The following NRG4 variants were observed in gnomAD, a reference collection of about 807,000 sequenced individuals.
NRG4 encodes the protein neuregulin 4, also known as pro-neuregulin-4, membrane-bound isoform.
A neutral mutation model predicts 15.0 loss-of-function variants in NRG4; 10 were observed. The ratio of observed to expected loss-of-function variants is 0.67; its 90% CI spans 0.41 to 1.13. The LOEUF is 1.13. Ranked by LOEUF, NRG4 falls within the 50% of genes most tolerant of loss-of-function variation. The pLI, the probability that NRG4 is intolerant of heterozygous loss-of-function variation, is 0.00. For missense variants in NRG4, 139 were observed against 140.2 expected, an observed-to-expected ratio of 0.99 and a Z score of 0.04; for synonymous variants, 41 against 50.1, an observed-to-expected ratio of 0.82 and a Z score of 0.77.
chr15:75,949,738 C>T (rs1170786645), intron 5 of NRG4, among the ~76,000 whole-genome samples: 1 of 151,932 alleles, frequency 6.6e-6, no homozygotes, highest in Non-Finnish European at 1.5e-5. Context: ...ATATTTAGAC[C>T]CATTTTGAAT....
At chr15:75,986,381 A>G (rs1276996857) in intron 3 of NRG4, among the ~76,000 whole-genome samples, 1 of 152,180 alleles carries the variant, frequency 6.6e-6, no homozygotes, top group Non-Finnish European at 1.5e-5. Flanking sequence ...TAATTGTTGT[A>G]TTTGTATTAG....
intron 5 of NRG4, among the ~76,000 whole-genome samples, chr15:76,025,470 T>C (rs1259391363): frequency 6.6e-6 from 1 of 151,508 alleles, no homozygotes; most frequent in Non-Finnish European, 1.5e-5. Context: ...GACAACACAA[T>C]GAAATTTTAA....
At chr15:75,944,117 T>G (rs982970306) in intron 5 of NRG4, among the ~76,000 whole-genome samples, 1 of 152,172 alleles carries the variant, frequency 6.6e-6, no homozygotes, top group Non-Finnish European at 1.5e-5. Context: ...TGGGACTATT[T>G]AGAGACAAAA....
chr15:76,059,475 C>T (rs1234355080), intron 1 of NRG4, among the ~76,000 whole-genome samples: 1 of 152,192 alleles, frequency 6.6e-6, no homozygotes, highest in Non-Finnish European at 1.5e-5. Context: ...ACGGGAGGTT[C>T]CCATTCTCAG....
At chr15:75,992,746 G>A (rs571975867) in intron 3 of NRG4, among the ~76,000 whole-genome samples, 1 of 152,124 alleles carries the variant, frequency 6.6e-6, no homozygotes, top group East Asian at 1.9e-4. Context: ...CATTTAAAAT[G>A]TGTAACAGAA....
At chr15:75,984,945 A>T (rs2033743429) in intron 3 of NRG4, among the ~76,000 whole-genome samples, 1 of 152,078 alleles carries the variant, frequency 6.6e-6, no homozygotes, top group African/African-American at 2.4e-5. Flanking sequence ...CCCAGGTTCA[A>T]GTGATTCTTG....
chr15:75,964,263 A>G (rs2032680414), intron 3 of NRG4, among the ~76,000 whole-genome samples: 1 of 152,200 alleles, frequency 6.6e-6, no homozygotes, highest in Non-Finnish European at 1.5e-5. Flanking sequence ...CATTCCACAG[A>G]GTAAAAGAAA....
At chr15:76,010,668 C>T (rs897104525) in intron 2 of NRG4, among the ~76,000 whole-genome samples, 14 of 152,060 alleles carry the variant, frequency 9.2e-5, no homozygotes, top group South Asian at 2.1e-4. Context: ...CATGCTTCTT[C>T]GTAATCAAAC....
rs1350664351 is a variant in NRG4 at position 75,969,706 on chromosome 15, T to G, written c.105-7732A>C. The stretch of plus-strand genomic sequence containing the variant: ...AGGGTTAAATAAAATTTATACTCTT[T>G]TAAAGTTTCGTTCTAAGCATGGTGA... On this transcript the variant is annotated intron_variant, in intron 3 of 5. Transcript: ENST00000394907. Among the ~76,000 whole-genome samples, 3 of 152,234 alleles carry G rather than the reference T, an allele frequency of 2.0e-5. No individual in the cohort carries two copies. In the East Asian group the frequency reaches 5.8e-4, roughly 29 times the overall value.
intron 5 of NRG4, among the ~76,000 whole-genome samples, chr15:75,946,458 C>T (rs1567068136): frequency 6.6e-6 from 1 of 152,052 alleles, no homozygotes; most frequent in African/African-American, 2.4e-5. Flanking sequence ...CCCGGGTTCA[C>T]GCCATTTTCC....
chr15:75,959,017 C>T (rs2032380555), intron 4 of NRG4: 1 of 197,932 alleles, frequency 5.1e-6, no homozygotes, highest in Non-Finnish European at 1.1e-5. Flanking sequence ...GTCTTGCTCT[C>T]TCACCCAGGC....
intron 5 of NRG4, among the ~76,000 whole-genome samples, chr15:75,951,974 C>T (rs1354603349): frequency 6.6e-6 from 1 of 152,120 alleles, no homozygotes; most frequent in Non-Finnish European, 1.5e-5. Flanking sequence ...TTAACATTTA[C>T]TTTAGTGAGG....
intron 4 of NRG4, among the ~76,000 whole-genome samples, chr15:75,957,016 C>A (rs1159646638): frequency 6.6e-6 from 1 of 151,898 alleles, no homozygotes; most frequent in African/African-American, 2.4e-5. Flanking sequence ...TTATGTGTTA[C>A]CCTAGACATT....
At chr15:75,966,987 C>T (rs997315777) in intron 3 of NRG4, among the ~76,000 whole-genome samples, 1 of 151,718 alleles carries the variant, frequency 6.6e-6, no homozygotes, top group Non-Finnish European at 1.5e-5. Context: ...TGGTGGTAGG[C>T]GCCTGTAATC....
chr15:76,017,401 T>C (rs2035015852), upstream of NRG4, among the ~76,000 whole-genome samples: 1 of 152,130 alleles, frequency 6.6e-6, no homozygotes, highest in African/African-American at 2.4e-5. Context: ...GCTAGTTGTT[T>C]TGCCCCTTAG....
chr15:75,993,982 C>T (rs1284564064), intron 3 of NRG4, among the ~76,000 whole-genome samples: 1 of 152,026 alleles, frequency 6.6e-6, no homozygotes, highest in Non-Finnish European at 1.5e-5. Flanking sequence ...ATATTTGGCT[C>T]ATCTCAAGGT....
intron 5 of NRG4, among the ~76,000 whole-genome samples, chr15:76,028,442 A>T (rs991501139): frequency 6.6e-6 from 1 of 152,200 alleles, no homozygotes; most frequent in Non-Finnish European, 1.5e-5. Context: ...AACCAAGAAG[A>T]AATGGAAAAC....
chr15:75,960,463 T>C (rs1423218865), intron 4 of NRG4, among the ~76,000 whole-genome samples: 2 of 152,210 alleles, frequency 1.3e-5, no homozygotes, highest in African/African-American at 4.8e-5. Flanking sequence ...GGGCTCTCTG[T>C]GTAGCTGCAG....
intron 5 of NRG4, among the ~76,000 whole-genome samples, chr15:76,024,446 C>T (rs1005259005): frequency 1.3e-5 from 2 of 152,214 alleles, no homozygotes; most frequent in Non-Finnish European, 2.9e-5. Context: ...GCATCCCAGG[C>T]CTGAGAAACA....
Sources: gnomAD v4.1 joint callset for allele counts (sites outside exome capture counted in the v4.1 genomes callset) on GRCh38, gnomAD v4.1.1 for gene constraint, MANE v1.5 for transcripts, NCBI Gene and HGNC (gene_info 2026-07-23, HGNC 2026-07-21) for gene names.